Variants in CFAP299 observed in about 807,000 individuals in gnomAD.
CFAP299 encodes cilia and flagella associated protein 299, also known as cilia- and flagella-associated protein 299.
Under a neutral mutation model 27.0 loss-of-function variants are expected in CFAP299, and 21 were observed. The ratio of observed to expected loss-of-function variants is 0.78; its 90% CI spans 0.55 to 1.12. CFAP299 has a LOEUF of 1.12. Ranked by LOEUF, CFAP299 falls within the 50% of genes most tolerant of loss-of-function variation. CFAP299 has a pLI of 0.00. For synonymous variants in CFAP299, 104 were observed against 98.1 expected (o/e 1.06, Z -0.36); for missense variants, 310 against 276.6 (o/e 1.12, Z -0.86).
intron 2 of CFAP299, among the ~76,000 whole-genome samples, chr4:80,476,116 C>T (rs990130294): frequency 3.8e-4 from 58 of 152,148 alleles, no homozygotes; most frequent in African/African-American, 1.4e-3. Context: ...TTGAATTCTC[C>T]AAACTCAAGG....
chr4:80,800,424 AT>A (rs1728409326), intron 3 of CFAP299, among the ~76,000 whole-genome samples: 1 of 60,876 alleles, frequency 1.6e-5, no homozygotes, highest in African/African-American at 7.2e-5. Flanking sequence ...TTAATATAAT[AT>A]ATATAATATA....
intron 3 of CFAP299, among the ~76,000 whole-genome samples, chr4:80,642,164 G>A (rs887483899): frequency 3.3e-5 from 5 of 152,124 alleles, no homozygotes; most frequent in South Asian, 2.1e-4. Context: ...TCTAGTTCAG[G>A]GAGATTAATC....
intron 3 of CFAP299, among the ~76,000 whole-genome samples, chr4:80,610,319 C>A (rs1427786338): frequency 6.6e-6 from 1 of 152,012 alleles, no homozygotes; most frequent in African/African-American, 2.4e-5. Flanking sequence ...CTTCCAGTGT[C>A]CCCCAACCCC....
At chr4:80,613,724 A>AT (rs1245763856) in intron 3 of CFAP299, among the ~76,000 whole-genome samples, 1 of 152,190 alleles carries the variant, frequency 6.6e-6, no homozygotes, top group African/African-American at 2.4e-5. Flanking sequence ...GCTTAGGCTC[A>AT]TTAAAGTTTG....
At chr4:80,861,175 G>C (rs1408091049) in intron 3 of CFAP299, among the ~76,000 whole-genome samples, 1 of 152,198 alleles carries the variant, frequency 6.6e-6, no homozygotes, top group East Asian at 1.9e-4. Flanking sequence ...TGCTATGCTA[G>C]CAATCAGCGA....
chr4:80,366,107 G>T (rs1217581908), intron 2 of CFAP299, among the ~76,000 whole-genome samples: 1 of 152,190 alleles, frequency 6.6e-6, no homozygotes, highest in Non-Finnish European at 1.5e-5. Context: ...TGACAGCAGG[G>T]CCAGCAGATG....
intron 4 of CFAP299, chr4:80,870,830 A>T: frequency 3.0e-6 from 3 of 984,894 alleles, no homozygotes; most frequent in Non-Finnish European, 3.6e-6. Flanking sequence ...AACAATACCT[A>T]CCTCCTCTGA....
At chr4:80,375,607 C>A (rs1578370376) in intron 2 of CFAP299, among the ~76,000 whole-genome samples, 1 of 152,200 alleles carries the variant, frequency 6.6e-6, no homozygotes, top group Admixed American at 6.5e-5. Context: ...GTCGAGAATT[C>A]AAAACGTTAA....
chr4:80,886,555 T>G (rs2110181472), intron 4 of CFAP299, among the ~76,000 whole-genome samples: 1 of 152,332 alleles, frequency 6.6e-6, no homozygotes, highest in South Asian at 2.1e-4. Context: ...ACAGCACGAT[T>G]GGGCTTGGGG....
intron 3 of CFAP299, among the ~76,000 whole-genome samples, chr4:80,744,389 A>G (rs1476762572): frequency 7.6e-6 from 1 of 131,032 alleles, no homozygotes; most frequent in African/African-American, 2.8e-5. Flanking sequence ...AAGTGTTTTT[A>G]TGACTCACAA....
At chr4:80,746,729 G>T (rs1295903842) in intron 3 of CFAP299, among the ~76,000 whole-genome samples, 2 of 151,936 alleles carry the variant, frequency 1.3e-5, no homozygotes, top group Non-Finnish European at 2.9e-5. Context: ...TCTCATACTG[G>T]AGCAGACAGC....
chr4:80,342,698 C>T (rs1271014005), intron 1 of CFAP299, among the ~76,000 whole-genome samples: 1 of 152,176 alleles, frequency 6.6e-6, no homozygotes, highest in Non-Finnish European at 1.5e-5. Context: ...AAAATCATTA[C>T]CAGCCACTAC....
intron 3 of CFAP299, among the ~76,000 whole-genome samples, chr4:80,629,932 GA>G (rs1478594544): frequency 6.7e-6 from 1 of 150,244 alleles, no homozygotes; most frequent in African/African-American, 2.4e-5. Flanking sequence ...AAATTGTAGA[GA>G]ATAGAACCAA....
At chr4:80,753,604 C>G (rs1387569262) in intron 3 of CFAP299, among the ~76,000 whole-genome samples, 1 of 152,084 alleles carries the variant, frequency 6.6e-6, no homozygotes, top group African/African-American at 2.4e-5. Flanking sequence ...TTCTCTTCTC[C>G]TTTTGCAATT....
chr4:80,823,798 T>C (rs894104941), intron 3 of CFAP299, among the ~76,000 whole-genome samples: 1 of 152,048 alleles, frequency 6.6e-6, no homozygotes, highest in Non-Finnish European at 1.5e-5. Context: ...GGTACTAAGG[T>C]TCAGGGAGGT....
At chr4:80,578,323 T>C (rs1735977423) in intron 2 of CFAP299, among the ~76,000 whole-genome samples, 1 of 152,186 alleles carries the variant, frequency 6.6e-6, no homozygotes, top group Non-Finnish European at 1.5e-5. Flanking sequence ...ACACTCTGCA[T>C]TAACTTTCAT....
At chr4:80,741,121 C>T (rs1724239013) in intron 3 of CFAP299, among the ~76,000 whole-genome samples, 1 of 152,212 alleles carries the variant, frequency 6.6e-6, no homozygotes, top group African/African-American at 2.4e-5. Flanking sequence ...GAGTCTCTCA[C>T]TGCAGCCACC....
intron 3 of CFAP299, among the ~76,000 whole-genome samples, chr4:80,833,053 G>C (rs558201246): frequency 6.6e-6 from 1 of 151,994 alleles, no homozygotes; most frequent in African/African-American, 2.4e-5. Context: ...TACGTTTTGT[G>C]ATTTTATAGT....
At chr4:80,830,287 A>T (rs895692398) in intron 3 of CFAP299, among the ~76,000 whole-genome samples, 1 of 152,112 alleles carries the variant, frequency 6.6e-6, no homozygotes, top group African/African-American at 2.4e-5. Context: ...AAATTACAAT[A>T]AAATATGATA....
Sources: allele counts gnomAD v4.1 joint callset (sites outside exome capture counted in the v4.1 genomes callset), GRCh38; gene constraint gnomAD v4.1.1; transcripts MANE v1.5; gene names NCBI Gene and HGNC (gene_info 2026-07-23, HGNC 2026-07-21).